The following ASL variants were observed in gnomAD, a reference collection of about 807,000 sequenced individuals.
ASL encodes the protein argininosuccinase.
ASL carries 51 observed loss-of-function variants against 69.1 expected under a neutral mutation model. The ratio of observed to expected loss-of-function variants is 0.74; its 90% CI spans 0.59 to 0.93. ASL has a LOEUF of 0.93. Ranked by LOEUF, ASL falls within the 40% of genes least tolerant of loss-of-function variation. ASL has a pLI of 0.00. For synonymous variants in ASL, 241 were observed against 247.6 expected, an observed-to-expected ratio of 0.97 and a Z score of 0.25; for missense variants, 540 against 623.9, an observed-to-expected ratio of 0.87 and a Z score of 1.43.
Position 66,092,895 on chromosome 7 carries a change from C to T in ASL, c.1378C>T (p.Gln460Ter). The change falls in exon 17 of 17, where the codon CAG (glutamine) becomes TAG (stop). Residue 460 changes from glutamine (Q) to a stop codon, truncating the protein, a stop_gained. Transcript: ENST00000304874. LOFTEE classifies it high-confidence loss of function. Reference protein sequence around the residue: ...WQIRQVRALLQAQQA With the variant: ...WQIRQVRALL ...GATCCGCCAGGTGCGGGCGCTACTGCAGGCACAGCAGGCCTAGGTCCTCCC... is the reference window on the plus strand; with the variant it reads ...GATCCGCCAGGTGCGGGCGCTACTGTAGGCACAGCAGGCCTAGGTCCTCCC... The T allele has an allele frequency of 6.2e-7, 1 of 1,608,520 alleles. No homozygotes were observed. The highest frequency in any genetic ancestry group is 8.5e-7 in the Non-Finnish European group (1 of 1,179,822).
intron 10 of ASL, among the ~76,000 whole-genome samples, chr7:66,088,223 G>A (rs543661972): frequency 1.4e-4 from 22 of 151,998 alleles, no homozygotes; most frequent in Middle Eastern, 6.8e-3. Context: ...GCTCACGCCC[G>A]TAATCCTAGC....
At chr7:66,084,220 C>T (rs1026935114) in intron 6 of ASL, among the ~76,000 whole-genome samples, 3 of 150,548 alleles carry the variant, frequency 2.0e-5, no homozygotes, top group South Asian at 2.1e-4. Context: ...AGTGTAGTGG[C>T]GCTATCTGAG....
intron 6 of ASL, among the ~76,000 whole-genome samples, chr7:66,085,050 G>GC (rs1786620023): frequency 6.6e-6 from 1 of 152,192 alleles, no homozygotes; most frequent in Non-Finnish European, 1.5e-5. Context: ...GAGCCACCGT[G>GC]CCTGGCCTTG....
chr7:66,079,403 C>T (rs1786439500), intron 2 of ASL, among the ~76,000 whole-genome samples: 1 of 152,104 alleles, frequency 6.6e-6, no homozygotes, highest in Admixed American at 6.6e-5. Flanking sequence ...GGGCTGCTCC[C>T]CAGGTGTTCT....
intron 10 of ASL, among the ~76,000 whole-genome samples, chr7:66,088,488 T>C (rs1786735246): frequency 6.6e-6 from 1 of 152,052 alleles, no homozygotes; most frequent in African/African-American, 2.4e-5. Context: ...TCTCAATAAA[T>C]AAATAAATAA....
chr7:66,077,558 G>T (rs1054367123), intron 2 of ASL, among the ~76,000 whole-genome samples: 1 of 152,040 alleles, frequency 6.6e-6, no homozygotes, highest in Non-Finnish European at 1.5e-5. Flanking sequence ...GTGAAACCCC[G>T]TCTCTACTAA....
In ASL at chr7:66,076,856, G is replaced by A. The variant is rs141301724; in HGVS notation, c.12+763G>A. Among the ~76,000 whole-genome samples, 270 of 152,298 alleles carry A rather than the reference G, an allele frequency of 1.8e-3. 2 individuals carry two copies. The highest frequency in any genetic ancestry group is 6.2e-3 in the African/African-American group (256 of 41,562). On this transcript the variant is annotated intron_variant, in intron 2 of 16. Transcript: ENST00000304874. ...CCTGATGCTTGATGAAGGGAACTCC[G>A]GGAAGCAGGAGGTCTGGGTTCCAGG...
chr7:66,087,503 A>T (rs991968140), intron 9 of ASL, 117 bp downstream of exon 9: 10 of 1,329,790 alleles, frequency 7.5e-6, no homozygotes, highest in Non-Finnish European at 1.0e-5. Flanking sequence ...ACCTTCATTC[A>T]TTGCCTATGG....
Position 66,087,381 on chromosome 7 carries a change from G to A in ASL, c.650G>A (p.Arg217Gln), listed in dbSNP as rs1015799966. ...NPLGVDRELL[R>Q]AELNFGAITL... ...CTGGGTGTGGACCGAGAGCTGCTCCGAGCAGGTGAGACGTCCTGCCCCTCC... is the reference window on the plus strand; with the variant it reads ...CTGGGTGTGGACCGAGAGCTGCTCCAAGCAGGTGAGACGTCCTGCCCCTCC... The change falls in exon 9 of 17, where the codon CGA becomes CAA. Residue 217 changes from arginine (R) to glutamine (Q), a missense_variant. Arg to Gln is a conservative substitution (Grantham distance 43). Coordinates refer to ENST00000304874, the MANE Select transcript of ASL (RefSeq NM_000048.4). 16 of 1,606,902 alleles carry A rather than the reference G, an allele frequency of 1.0e-5. No homozygotes were observed. Among genetic ancestry groups the A allele is most frequent in the East Asian group, 2.2e-5 (1 of 44,870 alleles).
intron 6 of ASL, among the ~76,000 whole-genome samples, chr7:66,084,232 T>C (rs950924154): frequency 2.0e-5 from 3 of 151,664 alleles, no homozygotes; most frequent in Admixed American, 6.6e-5. Context: ...CTATCTGAGC[T>C]AACTGCAAAC....
At chr7:66,080,034 A>C (rs1786454999) in intron 2 of ASL, among the ~76,000 whole-genome samples, 1 of 151,958 alleles carries the variant, frequency 6.6e-6, no homozygotes, top group Admixed American at 6.6e-5. Flanking sequence ...GCAGTGAGCT[A>C]TGATGGTGCC....
intron 2 of ASL, among the ~76,000 whole-genome samples, chr7:66,079,480 C>G (rs1484330814): frequency 1.3e-5 from 2 of 152,270 alleles, no homozygotes; most frequent in South Asian, 2.1e-4. Context: ...ATGTGGCTGG[C>G]GCCTAGGCTC....
intron 10 of ASL, 42 bp from the exon 11 acceptor site, chr7:66,088,765 G>A (rs972336896): frequency 6.5e-7 from 1 of 1,545,562 alleles, no homozygotes; most frequent in Non-Finnish European, 8.9e-7. Flanking sequence ...CAGGCTGGGT[G>A]GGGATGGGAG....
rs1554328490 is a variant in ASL, at chr7:66,092,865, T to C, written c.1348T>C (p.Trp450Arg). Residue 450 changes from tryptophan (W) to arginine (R), a missense_variant, in exon 17 of 17, where the codon TGG becomes CGG. Trp to Arg is a moderately radical substitution (Grantham distance 101). Coordinates refer to ENST00000304874, the MANE Select transcript of ASL (RefSeq NM_000048.4). Reference sequence around the variant, plus strand: ...CGGCACTGCGCGCTCCAGCGTCGACTGGCAGATCCGCCAGGTGCGGGCGCT... The same window carrying C: ...CGGCACTGCGCGCTCCAGCGTCGACCGGCAGATCCGCCAGGTGCGGGCGCT... ...LGGTARSSVD[W>R]QIRQVRALLQ... The C allele has an allele frequency of 1.2e-6, 2 of 1,612,492 alleles. No homozygotes were observed. Among genetic ancestry groups the C allele is most frequent in the South Asian group, 1.1e-5 (1 of 91,074 alleles).
At chr7:66,078,930 G>A (rs1357961900) in intron 2 of ASL, among the ~76,000 whole-genome samples, 1 of 151,978 alleles carries the variant, frequency 6.6e-6, no homozygotes, top group East Asian at 1.9e-4. Context: ...TTTGTTTTGA[G>A]ACAGAGTCTT....
Position 66,083,217 on chromosome 7 carries a change from T to C in ASL, c.446+43T>C, listed in dbSNP as rs761898828. On this transcript the variant is annotated intron_variant, in intron 6 of 16. Coordinates refer to ENST00000304874, the MANE Select transcript of ASL (RefSeq NM_000048.4). Reference sequence around the variant, plus strand: ...ACCCAGGGGGCAGACAGAGGTGTGATGGAAGCCTGAACAGGAGACCTAGGG... The same window carrying C: ...ACCCAGGGGGCAGACAGAGGTGTGACGGAAGCCTGAACAGGAGACCTAGGG... The C allele has an allele frequency of 2.5e-6, 4 of 1,601,256 alleles. No homozygotes were observed. In the Admixed American group the frequency reaches 6.7e-5, roughly 27 times the overall value.
chr7:66,086,878 A>T (rs1786680651), intron 8 of ASL, 57 bp downstream of exon 8: 1 of 1,525,546 alleles, frequency 6.6e-7, no homozygotes, highest in African/African-American at 1.4e-5. Context: ...GCATAGCCTT[A>T]GGGATTGACA....
intron 6 of ASL, chr7:66,083,451 G>A (rs1408474046): frequency 4.9e-5 from 18 of 365,556 alleles, no homozygotes; most frequent in East Asian, 2.0e-4. Context: ...TTGGGAGGCC[G>A]AGGTGGGTGG....
At chr7:66,086,855 G>A (rs752551083) in intron 8 of ASL, 34 bp downstream of exon 8, 8 of 1,549,916 alleles carry the variant, frequency 5.2e-6, no homozygotes, top group Non-Finnish European at 7.0e-6. Flanking sequence ...AGGGCCTGGT[G>A]GGGGTGGCTG....
Sources: gnomAD v4.1 joint callset for allele counts (sites outside exome capture counted in the v4.1 genomes callset) on GRCh38, gnomAD v4.1.1 for gene constraint, MANE v1.5 for transcripts, NCBI Gene and HGNC (gene_info 2026-07-23, HGNC 2026-07-21) for gene names.